The following CELF2 variants were observed in gnomAD, a reference collection of about 807,000 sequenced individuals.
The protein encoded by CELF2 is CUG triplet repeat RNA-binding protein 2.
CELF2 carries 8 observed loss-of-function variants against 62.6 expected under a neutral mutation model. The observed-to-expected ratio is 0.13, with a 90% CI of 0.07 to 0.23. CELF2 has a LOEUF of 0.23. Among genes scored for constraint, CELF2 ranks in the 10% least tolerant of loss-of-function variants. The probability of loss-of-function intolerance (pLI) is 1.00; values close to 1 mark genes in which losing one functional copy is unlikely to be tolerated. For synonymous variants in CELF2, 258 were observed against 250.0 expected (o/e 1.03, Z -0.30); for missense variants, 333 against 671.0 (o/e 0.50, Z 5.56).
chr10:11,134,574 C>A (rs1315434287), intron 1 of CELF2, among the ~76,000 whole-genome samples: 1 of 152,180 alleles, frequency 6.6e-6, no homozygotes, highest in Non-Finnish European at 1.5e-5. Context: ...GTCTTCCGTA[C>A]CAGGGCTGTT....
intron 2 of CELF2, among the ~76,000 whole-genome samples, chr10:10,953,730 A>T (rs184873001): frequency 2.8e-4 from 43 of 152,294 alleles, no homozygotes; most frequent in Non-Finnish European, 4.6e-4. Flanking sequence ...CAAAAGCCGT[A>T]AGAGAAAAAT....
chr10:11,077,336 G>A (rs1341023785), intron 1 of CELF2, among the ~76,000 whole-genome samples: 1 of 151,428 alleles, frequency 6.6e-6, no homozygotes, highest in Non-Finnish European at 1.5e-5. Context: ...TTAAAGCCAA[G>A]TACAGGGAAA....
rs1002107615 is a variant in CELF2, at chr10:10,924,362, G to A, written c.89+4363G>A. ...AGGTTTTACTGTAATCATGCACTAT[G>A]AGCTGCTGTTTTTGAAAAAAAGGGA... is the stretch of plus-strand genomic sequence containing the variant. On this transcript the variant is annotated intron_variant, in intron 2 of 13. Coordinates refer to the CELF2 transcript ENST00000636488. 5.6e-5 allele frequency among the ~76,000 whole-genome samples: 8 copies of A among 142,500 alleles called. No individual in the cohort carries two copies. In the East Asian group the frequency reaches 6.7e-4, roughly 12 times the overall value. 93.5% of individuals were successfully genotyped at this position (142,500 alleles called of 152,430 possible).
the CELF2 span, among the ~76,000 whole-genome samples, chr10:10,591,807 T>C: frequency 1.3e-5 from 2 of 152,350 alleles, no homozygotes; most frequent in African/African-American, 4.8e-5. Flanking sequence ...CTGTGCCTCA[T>C]TCCATGTGTA....
At chr10:10,804,836 G>A (rs554123851) in intron 1 of CELF2, among the ~76,000 whole-genome samples, 19 of 152,170 alleles carry the variant, frequency 1.2e-4, no homozygotes, top group South Asian at 1.0e-3. Flanking sequence ...TTCACATGCC[G>A]GGAAGTCTCC....
At chr10:10,485,523 A>G in the CELF2 span, among the ~76,000 whole-genome samples, 1 of 152,238 alleles carries the variant, frequency 6.6e-6, no homozygotes, top group East Asian at 1.9e-4. Flanking sequence ...AAAGCAGTCC[A>G]ATGGATAATT....
At position 11,220,899 on chromosome 10, in the gene CELF2, A is replaced by T. The variant is rs2136035716; in HGVS notation, c.354+3392A>T. 6.6e-6 allele frequency among the ~76,000 whole-genome samples: 1 copy of T among 152,352 alleles called. No homozygotes were observed. The highest frequency in any genetic ancestry group is 2.4e-5 in the African/African-American group (1 of 41,574). On this transcript the variant is annotated intron_variant, in intron 3 of 12. Transcript: ENST00000633077. This position sits in a 1 kb window ranked among gnomAD's most constrained non-coding sequence, Gnocchi z 4.4. The stretch of plus-strand genomic sequence containing the variant: ...CAGTGTGCCTAGCTCTAAGCTAGGT[A>T]TTGGCAGGAAGTAGCAGGGATCGAG...
chr10:10,863,548 A>T (rs1432404761), intron 1 of CELF2, among the ~76,000 whole-genome samples: 2 of 152,150 alleles, frequency 1.3e-5, no homozygotes, highest in Non-Finnish European at 2.9e-5. Flanking sequence ...TGAAAGGATA[A>T]AATAATTCAT....
At chr10:11,000,560 G>A (rs2054417446), upstream of CELF2, among the ~76,000 whole-genome samples, 1 of 152,126 alleles carries the variant, frequency 6.6e-6, no homozygotes, top group Non-Finnish European at 1.5e-5. Context: ...CTTTGTGGAA[G>A]GAGTCTCCAT....
At chr10:10,662,732 G>A in the CELF2 span, among the ~76,000 whole-genome samples, 1 of 152,152 alleles carries the variant, frequency 6.6e-6, no homozygotes, top group African/African-American at 2.4e-5. Flanking sequence ...CAATGGTGGA[G>A]GGAGAAATAG....
Position 11,319,487 on chromosome 10 carries a change from C to G in CELF2, c.1097-1702C>G, listed in dbSNP as rs2095302964. Among the ~76,000 whole-genome samples the G allele has an allele frequency of 6.6e-6, 1 of 152,144 alleles. No homozygotes were observed. Among genetic ancestry groups the G allele is most frequent in the Non-Finnish European group, 1.5e-5 (1 of 68,016 alleles). ...GATCATTTAGGGTAATTAGGACAGTCTGCATCCAAGCTCTTTGGACAGCAC... is the reference window on the plus strand; with the variant it reads ...GATCATTTAGGGTAATTAGGACAGTGTGCATCCAAGCTCTTTGGACAGCAC... On this transcript the variant is annotated intron_variant, in intron 10 of 12. Transcript: ENST00000633077. This position sits in a 1 kb window ranked among gnomAD's most constrained non-coding sequence, Gnocchi z 4.4.
intron 10 of CELF2, among the ~76,000 whole-genome samples, chr10:11,320,659 C>T (rs917816615): frequency 1.3e-5 from 2 of 152,126 alleles, no homozygotes; most frequent in East Asian, 1.9e-4. Flanking sequence ...CCACTGGTTC[C>T]GAGAGTACAG....
intron 1 of CELF2, among the ~76,000 whole-genome samples, chr10:11,067,356 G>A (rs371350219): frequency 8.5e-5 from 13 of 152,194 alleles, no homozygotes; most frequent in East Asian, 3.8e-4. Flanking sequence ...AAGGCAGGTC[G>A]TCCATTGGGG....
intron 1 of CELF2, among the ~76,000 whole-genome samples, chr10:11,134,102 T>G (rs1288223660): frequency 6.6e-6 from 1 of 152,202 alleles, no homozygotes; most frequent in African/African-American, 2.4e-5. Flanking sequence ...ATAATTATAC[T>G]CTTCTAAAGA....
At chr10:10,481,120 A>G in the CELF2 span, among the ~76,000 whole-genome samples, 46 of 152,262 alleles carry the variant, frequency 3.0e-4, no homozygotes, top group South Asian at 4.1e-3. Context: ...TTCAAGAGGA[A>G]TGTTCTTCCC....
intron 1 of CELF2, among the ~76,000 whole-genome samples, chr10:11,155,020 C>T (rs569721695): frequency 2.6e-5 from 4 of 152,276 alleles, no homozygotes; most frequent in Non-Finnish European, 2.9e-5. Flanking sequence ...ACATTTGATA[C>T]GCCACTGTGT....
chr10:11,018,228 A>G, intron 1 of CELF2, 65 bp downstream of exon 1: 2 of 1,396,270 alleles, frequency 1.4e-6, no homozygotes, highest in South Asian at 1.3e-5. Context: ...GGCGGCGCGA[A>G]GGGGACGGGC....
chr10:10,735,665 G>T, the CELF2 span, among the ~76,000 whole-genome samples: 1 of 152,176 alleles, frequency 6.6e-6, no homozygotes, highest in African/African-American at 2.4e-5. Flanking sequence ...CGTTAAAGAA[G>T]TAGCTTCTTA....
chr10:10,674,691 T>C, the CELF2 span, among the ~76,000 whole-genome samples: 1 of 152,200 alleles, frequency 6.6e-6, no homozygotes, highest in Non-Finnish European at 1.5e-5. Flanking sequence ...TAGTTATACT[T>C]TTTTTCTTAC....
Sources: gnomAD v4.1 joint callset for allele counts (sites outside exome capture counted in the v4.1 genomes callset) on GRCh38, gnomAD v4.1.1 for gene constraint, Gnocchi (gnomAD v3.1) non-coding constraint, MANE v1.5 for transcripts, NCBI Gene and HGNC (gene_info 2026-07-23, HGNC 2026-07-21) for gene names.